Variants in GLIS3 observed in about 807,000 individuals in gnomAD.
GLIS3 encodes the protein zinc finger protein GLIS3.
A neutral mutation model predicts 78.6 loss-of-function variants in GLIS3; 53 were observed. That is an observed-to-expected ratio of 0.67 (90% CI 0.54 to 0.85). The LOEUF (loss-of-function observed/expected upper bound fraction) is 0.85, where lower values mean the gene tolerates loss of function less well. Ranked by LOEUF, GLIS3 falls within the 40% of genes least tolerant of loss-of-function variation. The probability of loss-of-function intolerance (pLI) is 0.00; values close to 1 mark genes in which losing one functional copy is unlikely to be tolerated. For missense variants in GLIS3, 1,703 were observed against 1,231.1 expected (o/e 1.38, Z -5.74); for synonymous variants, 684 against 509.9 (o/e 1.34, Z -4.60).
At chr9:4,401,179 C>A in the GLIS3 span, among the ~76,000 whole-genome samples, 3 of 152,144 alleles carry the variant, frequency 2.0e-5, no homozygotes, top group South Asian at 6.2e-4. Flanking sequence ...AGTGGAGAGT[C>A]CACTTCCCTC....
At position 4,121,900 on chromosome 9, in the gene GLIS3, C is replaced by G. The variant is rs140674905; in HGVS notation, c.597-3019G>C. Among the ~76,000 whole-genome samples the G allele has an allele frequency of 1.9e-3, 289 of 152,310 alleles. 4 individuals are homozygous for G. Among genetic ancestry groups the G allele is most frequent in the Admixed American group, 0.014 (213 of 15,300 alleles). On this transcript the variant is annotated intron_variant, in intron 3 of 10. Coordinates refer to ENST00000381971, the MANE Select transcript of GLIS3 (RefSeq NM_001042413.2). ...TGAATGTGAATGGTTCCAAAGGATTCTGGCCTCTAACTCCTGCTGCTACCC... is the reference window on the plus strand; with the variant it reads ...TGAATGTGAATGGTTCCAAAGGATTGTGGCCTCTAACTCCTGCTGCTACCC...
chr9:4,326,809 G>C (rs1014268187), intron 2 of GLIS3, among the ~76,000 whole-genome samples: 1 of 152,204 alleles, frequency 6.6e-6, no homozygotes, highest in African/African-American at 2.4e-5. Flanking sequence ...GAGAAAGGTA[G>C]GTTTGGGGCT....
intron 9 of GLIS3, among the ~76,000 whole-genome samples, chr9:3,831,633 A>G (rs1235728379): frequency 6.6e-6 from 1 of 152,244 alleles, no homozygotes. Flanking sequence ...TATCCTGAAA[A>G]TATATTCTGA....
Position 4,138,567 on chromosome 9 carries a change from G to A in GLIS3, c.389-12626C>T, listed in dbSNP as rs149486612. Among the ~76,000 whole-genome samples, 1,289 of 152,256 alleles carry A rather than the reference G, an allele frequency of 8.5e-3. 14 individuals are homozygous for A. The highest frequency in any genetic ancestry group is 0.012 in the South Asian group (59 of 4,826). ...TGAAGAGTTGGATGGCCAAAATGAA[G>A]TGAGGTGCATGTGCTGAGGAAGTAT... On this transcript the variant is annotated intron_variant, in intron 2 of 10. Transcript: ENST00000381971.
At chr9:4,478,333 C>T in the GLIS3 span, among the ~76,000 whole-genome samples, 13 of 152,122 alleles carry the variant, frequency 8.5e-5, no homozygotes, top group Admixed American at 4.6e-4. Flanking sequence ...AAAGCCCCGG[C>T]GCAGTGGCTC....
At chr9:4,059,894 C>T (rs553321014) in intron 4 of GLIS3, among the ~76,000 whole-genome samples, 1 of 140,406 alleles carries the variant, frequency 7.1e-6, no homozygotes, top group Admixed American at 7.0e-5. Context: ...CTCCTACTAG[C>T]TCAAAAAATA....
intron 4 of GLIS3, among the ~76,000 whole-genome samples, chr9:4,082,997 C>A (rs1828689921): frequency 6.6e-6 from 1 of 152,054 alleles, no homozygotes; most frequent in African/African-American, 2.4e-5. Flanking sequence ...CTGCAAGTGC[C>A]AAAGTTTTTA....
chr9:3,891,088 G>A (rs868282260), intron 7 of GLIS3, among the ~76,000 whole-genome samples: 2,017 of 94,170 alleles, frequency 0.021, 41 homozygotes, highest in Non-Finnish European at 0.023. Flanking sequence ...AAAAGAAGAA[G>A]AAGAAAGTAG....
the GLIS3 span, among the ~76,000 whole-genome samples, chr9:4,372,884 T>C: frequency 2.0e-5 from 3 of 152,196 alleles, no homozygotes; most frequent in African/African-American, 7.2e-5. Context: ...GACTCCACCA[T>C]TCTTCCCCAG....
chr9:4,402,059 G>A, the GLIS3 span, among the ~76,000 whole-genome samples: 2 of 152,192 alleles, frequency 1.3e-5, no homozygotes, highest in African/African-American at 2.4e-5. Flanking sequence ...GGGCCTAGGG[G>A]AACTCACCGT....
At chr9:4,195,620 C>T (rs572238732) in intron 2 of GLIS3, among the ~76,000 whole-genome samples, 27 of 152,392 alleles carry the variant, frequency 1.8e-4, no homozygotes, top group Non-Finnish European at 2.6e-4. Context: ...CAGATGGGCA[C>T]GCCCCCTGTT....
At chr9:3,874,132 C>T (rs1409310377) in intron 8 of GLIS3, among the ~76,000 whole-genome samples, 5 of 151,982 alleles carry the variant, frequency 3.3e-5, no homozygotes, top group African/African-American at 1.2e-4. Flanking sequence ...CTGAGACTGG[C>T]AACTGGAGAG....
chr9:4,405,708 A>G, the GLIS3 span, among the ~76,000 whole-genome samples: 1 of 152,164 alleles, frequency 6.6e-6, no homozygotes, highest in Admixed American at 6.5e-5. Flanking sequence ...AAATAATTCC[A>G]AACTCATTCT....
the GLIS3 span, among the ~76,000 whole-genome samples, chr9:4,429,685 G>C: frequency 5.3e-5 from 8 of 152,168 alleles, no homozygotes; most frequent in Non-Finnish European, 1.2e-4. Flanking sequence ...GATAGAGACT[G>C]AGTCTGTTTT....
intron 2 of GLIS3, among the ~76,000 whole-genome samples, chr9:4,131,382 G>C (rs1224965093): frequency 2.0e-5 from 3 of 152,172 alleles, no homozygotes; most frequent in African/African-American, 7.2e-5. Context: ...TTGGATCTGT[G>C]TCCCCACCCA....
chr9:4,264,637 A>G (rs1825820444), intron 2 of GLIS3, among the ~76,000 whole-genome samples: 1 of 151,788 alleles, frequency 6.6e-6, no homozygotes, highest in South Asian at 2.1e-4. Context: ...CAGATGCCAC[A>G]CTCTTCACTC....
intron 4 of GLIS3, among the ~76,000 whole-genome samples, chr9:4,012,637 T>C (rs1403098330): frequency 1.3e-5 from 2 of 152,110 alleles, no homozygotes; most frequent in African/African-American, 4.8e-5. Context: ...AAAACCACTA[T>C]GTTCTTTTAT....
At chr9:4,038,779 T>C (rs1422379898) in intron 4 of GLIS3, among the ~76,000 whole-genome samples, 1 of 152,214 alleles carries the variant, frequency 6.6e-6, no homozygotes, top group Non-Finnish European at 1.5e-5. Flanking sequence ...TCCTTAATCC[T>C]GATTTCTTAA....
intron 2 of GLIS3, among the ~76,000 whole-genome samples, chr9:4,217,041 G>A (rs959029043): frequency 6.6e-6 from 1 of 152,190 alleles, no homozygotes; most frequent in Non-Finnish European, 1.5e-5. Context: ...AAATCCAAGA[G>A]TCATGGTTCC....
Sources: gnomAD v4.1 joint callset for allele counts (sites outside exome capture counted in the v4.1 genomes callset) on GRCh38, gnomAD v4.1.1 for gene constraint, MANE v1.5 for transcripts, NCBI Gene and HGNC (gene_info 2026-07-23, HGNC 2026-07-21) for gene names.